The following CDH23 variants were observed in gnomAD, a reference collection of about 807,000 sequenced individuals.
CDH23 encodes the protein cadherin-23.
Under a neutral mutation model 317.1 loss-of-function variants are expected in CDH23, and 189 were observed. That is an observed-to-expected ratio of 0.60 (90% CI 0.53 to 0.67). The LOEUF is 0.67. Ranked by LOEUF, CDH23 falls within the 30% of genes least tolerant of loss-of-function variation. The pLI is 0.00. For missense variants in CDH23, 4,401 were observed against 4,592.4 expected (o/e 0.96, Z 1.20); for synonymous variants, 1,839 against 1,876.8 (o/e 0.98, Z 0.52).
rs990945489 is a variant in CDH23, at chr10:71,630,855, C to G, written c.1135-13006C>G. Among the ~76,000 whole-genome samples, 3 of 152,308 alleles carry G rather than the reference C, an allele frequency of 2.0e-5. No individual in the cohort carries two copies. In the South Asian group the frequency reaches 6.2e-4, roughly 32 times the overall value. ...CTCTCCCAGATTCTAGAAATCCAAC[C>G]ATTGGCTCTCAGGAGCCTCTAGAAC... On this transcript the variant is annotated intron_variant, in intron 11 of 69. Transcript: ENST00000224721.
rs376258800 is a variant in CDH23 at position 71,713,082 on chromosome 10, G to A, written c.3369+269G>A. The A allele has an allele frequency of 6.1e-4, 460 of 754,806 alleles. 3 individuals are homozygous for A. The African/African-American group carries it at 6.3e-3, about 10-fold the overall frequency. 46.8% of individuals were successfully genotyped at this position (754,806 alleles called of 1,614,324 possible). Reference sequence around the variant, plus strand: ...CTTGGCCTCCCCCTGCATATCTCCCGCCCCACCCAGAAGGGCCTTTCAGAG... The same window carrying A: ...CTTGGCCTCCCCCTGCATATCTCCCACCCCACCCAGAAGGGCCTTTCAGAG... On this transcript the variant is annotated intron_variant, in intron 28 of 69. Transcript: ENST00000224721.
intron 6 of CDH23, among the ~76,000 whole-genome samples, chr10:71,562,153 A>T (rs1388990561): frequency 1.6e-5 from 2 of 122,112 alleles, no homozygotes; most frequent in East Asian, 4.4e-4. Flanking sequence ...CCCGAACCCC[A>T]CCCCAGACAC....
intron 36 of CDH23, among the ~76,000 whole-genome samples, chr10:71,739,974 G>C (rs1839689036): frequency 6.6e-6 from 1 of 152,180 alleles, no homozygotes; most frequent in African/African-American, 2.4e-5. Context: ...ACCTGGGAGG[G>C]ACCTTAGATA....
At chr10:71,710,980 G>A (rs889749180) in intron 27 of CDH23, among the ~76,000 whole-genome samples, 6 of 152,164 alleles carry the variant, frequency 3.9e-5, no homozygotes, top group African/African-American at 1.2e-4. Context: ...GACCTGTGCC[G>A]CCGGGTGCTC....
At chr10:71,414,047 T>TGTGTGTG in intron 1 of CDH23, among the ~76,000 whole-genome samples, 1 of 142,902 alleles carries the variant, frequency 7.0e-6, no homozygotes, top group Non-Finnish European at 1.5e-5. Flanking sequence ...CTCCTGGGTT[T>TGTGTGTG]TGTGTGTGTG....
intron 1 of CDH23, among the ~76,000 whole-genome samples, chr10:71,435,142 A>C (rs1180033465): frequency 6.6e-6 from 1 of 152,212 alleles, no homozygotes; most frequent in Non-Finnish European, 1.5e-5. Flanking sequence ...ATGGAGTTCA[A>C]ATCCAGACTT....
At chr10:71,814,348 G>A (rs1046605417) in intron 69 of CDH23, among the ~76,000 whole-genome samples, 14 of 152,240 alleles carry the variant, frequency 9.2e-5, no homozygotes, top group Non-Finnish European at 1.9e-4. Context: ...CCAGGAGTCC[G>A]AGGCTGCACT....
intron 28 of CDH23, chr10:71,716,236 G>C: frequency 6.5e-7 from 1 of 1,550,368 alleles, no homozygotes; most frequent in Non-Finnish European, 8.7e-7. Context: ...TGGGGAGGGG[G>C]TCAGTTGCCT....
chr10:71,697,513 AT>A (rs1190416092), intron 22 of CDH23, among the ~76,000 whole-genome samples: 1 of 151,908 alleles, frequency 6.6e-6, no homozygotes, highest in Non-Finnish European at 1.5e-5. Context: ...CCTTTATAAA[AT>A]TTTTTTTAAG....
chr10:71,687,028 A>G lies in CDH23; in HGVS notation c.1987-619A>G, dbSNP rs551844586. Among the ~76,000 whole-genome samples, 15 of 152,208 alleles carry G rather than the reference A, an allele frequency of 9.9e-5. No homozygotes were observed. The East Asian group carries it at 2.3e-3, about 24-fold the overall frequency. On this transcript the variant is annotated intron_variant, in intron 18 of 69. Transcript: ENST00000224721. Reference sequence around the variant, plus strand: ...TGGCAAAGGCTGGGCTGGAAGAGATATTGCTTTAGAACTGACAGGGGTGGG... The same window carrying G: ...TGGCAAAGGCTGGGCTGGAAGAGATGTTGCTTTAGAACTGACAGGGGTGGG...
chr10:71,571,503 C>A (rs1303883527), intron 8 of CDH23, among the ~76,000 whole-genome samples: 2 of 152,232 alleles, frequency 1.3e-5, no homozygotes, highest in Admixed American at 6.5e-5. Context: ...GGTCACCAGC[C>A]TGTAGATCGG....
At chr10:71,805,365 G>C (rs927207026) in intron 55 of CDH23, among the ~76,000 whole-genome samples, 1 of 152,230 alleles carries the variant, frequency 6.6e-6, no homozygotes, top group Admixed American at 6.5e-5. Context: ...TGGATGGATG[G>C]TGTTGTTTGG....
chr10:71,721,615 G>T (rs993646354), intron 28 of CDH23, among the ~76,000 whole-genome samples: 2 of 152,184 alleles, frequency 1.3e-5, no homozygotes, highest in Non-Finnish European at 2.9e-5. Context: ...TTTTGCTCCA[G>T]TGTACTCGTC....
intron 6 of CDH23, among the ~76,000 whole-genome samples, chr10:71,535,210 G>T (rs1413571319): frequency 6.6e-6 from 1 of 152,248 alleles, no homozygotes; most frequent in East Asian, 1.9e-4. Flanking sequence ...GGTGGATGGT[G>T]CTTGTAACCT....
intron 3 of CDH23, among the ~76,000 whole-genome samples, chr10:71,507,484 G>A (rs1815034046): frequency 6.6e-6 from 1 of 152,208 alleles, no homozygotes; most frequent in South Asian, 2.1e-4. Flanking sequence ...TTGGGGTCAG[G>A]AGTTCAATAT....
intron 3 of CDH23, among the ~76,000 whole-genome samples, chr10:71,468,646 C>G (rs1433869059): frequency 6.6e-6 from 1 of 152,214 alleles, no homozygotes; most frequent in Non-Finnish European, 1.5e-5. Context: ...AAAGTCCTCC[C>G]TGATCTGTCA....
intron 6 of CDH23, among the ~76,000 whole-genome samples, chr10:71,556,793 A>G (rs1189319325): frequency 2.0e-5 from 3 of 152,198 alleles, no homozygotes; most frequent in African/African-American, 4.8e-5. Flanking sequence ...AGAGAACCTC[A>G]TTCAATTTCT....
At chr10:71,416,185 C>A (rs143189750) in intron 1 of CDH23, among the ~76,000 whole-genome samples, 2 of 152,036 alleles carry the variant, frequency 1.3e-5, no homozygotes, top group Non-Finnish European at 2.9e-5. Context: ...CCACCATGCC[C>A]GGCTAATTTT....
Position 71,709,054 on chromosome 10 carries a change from G to A in CDH23, c.3107-44G>A, listed in dbSNP as rs552530389. On this transcript the variant is annotated intron_variant, in intron 26 of 69. Transcript: ENST00000224721. ...CAGAGTCCCCGCTTCCCCTGGCCGGGAGCTCTGTTTCCCAGCCGGAAGCTT... is the reference window on the plus strand; with the variant it reads ...CAGAGTCCCCGCTTCCCCTGGCCGGAAGCTCTGTTTCCCAGCCGGAAGCTT... The A allele has an allele frequency of 1.6e-5, 25 of 1,575,718 alleles. No individual in the cohort carries two copies. In the South Asian group the frequency reaches 1.7e-4, roughly 10 times the overall value.
Sources: allele counts gnomAD v4.1 joint callset (sites outside exome capture counted in the v4.1 genomes callset), GRCh38; gene constraint gnomAD v4.1.1; transcripts MANE v1.5; gene names NCBI Gene and HGNC (gene_info 2026-07-23, HGNC 2026-07-21).